SUSD6: variants seen among roughly 807,000 people sequenced by gnomAD.
The protein encoded by SUSD6 is sushi domain containing 6, also known as sushi domain-containing protein 6.
SUSD6 carries 16 observed loss-of-function variants against 28.4 expected under a neutral mutation model. The observed-to-expected ratio is 0.56, with a 90% CI of 0.38 to 0.86. The LOEUF (loss-of-function observed/expected upper bound fraction) is 0.86. SUSD6 is among the 40% of genes least tolerant of loss of function. The pLI is 0.00. For synonymous variants in SUSD6, 147 were observed against 159.6 expected, an observed-to-expected ratio of 0.92 and a Z score of 0.59; for missense variants, 341 against 384.2, an observed-to-expected ratio of 0.89 and a Z score of 0.94.
At chr14:69,654,440 C>G (rs1885548551) in intron 1 of SUSD6, among the ~76,000 whole-genome samples, 1 of 152,170 alleles carries the variant, frequency 6.6e-6, no homozygotes, top group African/African-American at 2.4e-5. Flanking sequence ...GGGGTCATTT[C>G]TACGTTGGAG....
chr14:69,687,470 AT>A (rs1886090376), intron 2 of SUSD6, among the ~76,000 whole-genome samples: 1 of 152,210 alleles, frequency 6.6e-6, no homozygotes, highest in Non-Finnish European at 1.5e-5. Context: ...CTGCTCAAAC[AT>A]TGCTAGCCTT....
chr14:69,655,748 A>G (rs1236768959), intron 1 of SUSD6, among the ~76,000 whole-genome samples: 1 of 152,128 alleles, frequency 6.6e-6, no homozygotes, highest in East Asian at 1.9e-4. Flanking sequence ...AGCTGTGCTC[A>G]CACCACTGCA....
intron 1 of SUSD6, among the ~76,000 whole-genome samples, chr14:69,612,882 C>A (rs1884901936): frequency 6.6e-6 from 1 of 152,166 alleles, no homozygotes; most frequent in African/African-American, 2.4e-5. Flanking sequence ...TAATTCATTT[C>A]TTGCTGTTTT....
At chr14:69,682,700 TAAGAGA>T (rs1886014343) in intron 2 of SUSD6, among the ~76,000 whole-genome samples, 1 of 152,220 alleles carries the variant, frequency 6.6e-6, no homozygotes, top group African/African-American at 2.4e-5. Context: ...TTAAGGCATC[TAAGAGA>T]AAGAGAAAGT....
At chr14:69,613,172 A>G (rs1410398201) in intron 1 of SUSD6, among the ~76,000 whole-genome samples, 8 of 152,192 alleles carry the variant, frequency 5.3e-5, no homozygotes, top group South Asian at 2.1e-4. Flanking sequence ...CTGAGTACCA[A>G]CCTTTGTGCT....
chr14:69,650,819 G>A (rs1007236482), intron 1 of SUSD6, among the ~76,000 whole-genome samples: 1 of 152,048 alleles, frequency 6.6e-6, no homozygotes, highest in African/African-American at 2.4e-5. Flanking sequence ...CACTGTGTAC[G>A]GATAGTCCAT....
At chr14:69,612,129 G>A (rs972512537) in intron 1 of SUSD6, among the ~76,000 whole-genome samples, 11 of 151,880 alleles carry the variant, frequency 7.2e-5, no homozygotes, top group Non-Finnish European at 2.9e-5. Context: ...CGCGGTCCGG[G>A]GCGCGCCGTC....
At chr14:69,656,071 CT>C (rs909635097) in intron 1 of SUSD6, among the ~76,000 whole-genome samples, 38 of 148,186 alleles carry the variant, frequency 2.6e-4, no homozygotes, top group South Asian at 1.5e-3. Context: ...TTGGTGCTTC[CT>C]TTTTTTTTTC....
At chr14:69,688,562 A>G (rs71423369) in intron 2 of SUSD6, among the ~76,000 whole-genome samples, 4 of 152,222 alleles carry the variant, frequency 2.6e-5, no homozygotes, top group Non-Finnish European at 2.9e-5. Context: ...GAAACTGACC[A>G]CAAGATATCT....
At chr14:69,680,088 T>C (rs1355219972) in intron 2 of SUSD6, among the ~76,000 whole-genome samples, 1 of 151,948 alleles carries the variant, frequency 6.6e-6, no homozygotes, top group African/African-American at 2.4e-5. Flanking sequence ...CAGCAGTCTC[T>C]CCTTAAGAAT....
intron 1 of SUSD6, among the ~76,000 whole-genome samples, chr14:69,621,732 C>T (rs1317644132): frequency 6.6e-6 from 1 of 152,176 alleles, no homozygotes; most frequent in Admixed American, 6.5e-5. Context: ...ACACTTTTCT[C>T]TTTGTTCTCC....
At chr14:69,665,146 C>T (rs1430195441) in intron 2 of SUSD6, among the ~76,000 whole-genome samples, 1 of 152,176 alleles carries the variant, frequency 6.6e-6, no homozygotes, top group Non-Finnish European at 1.5e-5. Context: ...GAGGAGTTCC[C>T]TGGCTGCTGA....
At position 69,715,009 on chromosome 14, in the gene SUSD6, T is replaced by TA. The variant is rs1211668996; in HGVS notation, c.*4030_*4031insA. ...TGCTTTATTTTATTTTATATATATA[T>TA]TTTTTGGTATCCTGTACATTGCAGT... On this transcript the variant is annotated 3_prime_UTR_variant, in exon 6 of 6. Coordinates refer to ENST00000342745, the MANE Select transcript of SUSD6 (RefSeq NM_014734.4). 17 of 152,208 alleles carry TA rather than the reference T, an allele frequency of 1.1e-4. No individual in the cohort carries two copies. The highest frequency in any genetic ancestry group is 4.1e-4 in the African/African-American group (17 of 41,464). The allele number at this position is 152,208 out of a possible 1,614,324, so 9.4% of individuals were successfully genotyped here. A position where few individuals can be genotyped will look rare whatever the true frequency, so the allele number is the denominator to read the frequency against.
In SUSD6 at chr14:69,658,533, C is replaced by A. The variant is rs1885617192; in HGVS notation, c.-60C>A. ...TACAGGTGAATCAGCTCCCGGCCGA[C>A]TTTAGGATTCTTCTGGATTTTAAAT... On this transcript the variant is annotated 5_prime_UTR_variant, in exon 2 of 6. Transcript: ENST00000342745. 1.9e-6 allele frequency: 3 copies of A among 1,591,152 alleles called. No individual in the cohort carries two copies. The Admixed American group carries it at 5.1e-5, about 27-fold the overall frequency.
intron 2 of SUSD6, among the ~76,000 whole-genome samples, chr14:69,677,636 G>A (rs1885933075): frequency 6.6e-6 from 1 of 152,054 alleles, no homozygotes; most frequent in Admixed American, 6.5e-5. Context: ...AGTGGGTGGG[G>A]TGGGTGGCAG....
intron 2 of SUSD6, among the ~76,000 whole-genome samples, chr14:69,683,844 C>T (rs2139632331): frequency 6.6e-6 from 1 of 152,300 alleles, no homozygotes; most frequent in South Asian, 2.1e-4. Context: ...GAAGGAGCCC[C>T]AACTCTGTCC....
chr14:69,660,836 C>G, intron 2 of SUSD6, among the ~76,000 whole-genome samples: 1 of 152,216 alleles, frequency 6.6e-6, no homozygotes, highest in East Asian at 1.9e-4. Flanking sequence ...TATATATTGT[C>G]TATGGCTGCT....
At chr14:69,706,956 A>G (rs1886395619) in intron 4 of SUSD6, among the ~76,000 whole-genome samples, 1 of 152,032 alleles carries the variant, frequency 6.6e-6, no homozygotes, top group Admixed American at 6.6e-5. Flanking sequence ...TGAGGAAACT[A>G]TTAGACAAGT....
At chr14:69,641,581 T>C (rs1036788496) in intron 1 of SUSD6, among the ~76,000 whole-genome samples, 2 of 152,156 alleles carry the variant, frequency 1.3e-5, no homozygotes, top group Non-Finnish European at 2.9e-5. Flanking sequence ...GAAGTTCAAT[T>C]TGAATATTTG....
Sources: allele counts gnomAD v4.1 joint callset (sites outside exome capture counted in the v4.1 genomes callset), GRCh38; gene constraint gnomAD v4.1.1; transcripts MANE v1.5; gene names NCBI Gene and HGNC (gene_info 2026-07-23, HGNC 2026-07-21).